The following FXR1 variants were observed in gnomAD, a reference collection of about 807,000 sequenced individuals.
The protein encoded by FXR1 is RNA-binding protein FXR1.
In FXR1, 15 loss-of-function variants were observed where a neutral mutation model predicts 84.0. That is an observed-to-expected ratio of 0.18 (90% CI 0.12 to 0.27). FXR1 has a LOEUF of 0.27. Among genes scored for constraint, FXR1 ranks in the 10% least tolerant of loss-of-function variants. FXR1 has a pLI of 1.00. For synonymous variants in FXR1, 245 were observed against 250.7 expected, an observed-to-expected ratio of 0.98 and a Z score of 0.21; for missense variants, 480 against 774.4, an observed-to-expected ratio of 0.62 and a Z score of 4.51.
At chr3:180,963,508 TCA>T (rs1712408825) in intron 13 of FXR1, among the ~76,000 whole-genome samples, 1 of 152,180 alleles carries the variant, frequency 6.6e-6, no homozygotes, top group Non-Finnish European at 1.5e-5. Context: ...AGTGTGCGAA[TCA>T]CTGCCAAGAT....
Position 180,982,594 on chromosome 3 carries a change from C to A in FXR1, c.*6302C>A, listed in dbSNP as rs978301432. 2.6e-5 allele frequency: 4 copies of A among 152,110 alleles called. No individual in the cohort carries two copies. Among genetic ancestry groups the A allele is most frequent in the Admixed American group, 2.6e-4 (4 of 15,262 alleles). The allele number at this position is 152,110 out of a possible 1,614,324, so 9.4% of individuals were successfully genotyped here. ...TTTATACCTATTAAGTTAAATTTCC[C>A]TTTTTAGAGTTAATGCTTCATTGCC... On this transcript the variant is annotated 3_prime_UTR_variant, in exon 17 of 17. Transcript: ENST00000357559.
At chr3:180,950,838 C>T (rs988970672) in intron 7 of FXR1, among the ~76,000 whole-genome samples, 1 of 152,052 alleles carries the variant, frequency 6.6e-6, no homozygotes, top group Non-Finnish European at 1.5e-5. Flanking sequence ...ACATTATGTT[C>T]ATTCATTAAT....
intron 15 of FXR1, among the ~76,000 whole-genome samples, chr3:180,972,230 A>C (rs1713674115): frequency 6.6e-6 from 1 of 152,170 alleles, no homozygotes; most frequent in Non-Finnish European, 1.5e-5. Flanking sequence ...TTGGGAGGCC[A>C]GGTAGCAGGA....
chr3:180,932,860 C>A (rs1417705045), intron 1 of FXR1, among the ~76,000 whole-genome samples: 1 of 152,194 alleles, frequency 6.6e-6, no homozygotes, highest in Non-Finnish European at 1.5e-5. Flanking sequence ...CTGTGCTAAA[C>A]ATTACTTCAT....
intron 4 of FXR1, 129 bp downstream of exon 4, chr3:180,948,065 A>G (rs1576955214): frequency 4.7e-6 from 3 of 639,956 alleles, no homozygotes; most frequent in East Asian, 5.4e-5. Flanking sequence ...TTGATCAGAC[A>G]TTTCCATTAG....
At chr3:180,974,722 G>C (rs951695849) in intron 15 of FXR1, among the ~76,000 whole-genome samples, 19 of 151,932 alleles carry the variant, frequency 1.3e-4, no homozygotes, top group African/African-American at 4.6e-4. Flanking sequence ...GTGGTGGTCT[G>C]TCATCTTTAG....
rs752931456 is a variant in FXR1, at chr3:180,912,690, C to G, written c.5C>G (p.Ala2Gly). 4.3e-6 allele frequency: 7 copies of G among 1,613,706 alleles called. No homozygotes were observed. In the South Asian group the frequency reaches 4.4e-5, roughly 10 times the overall value. Residue 2 changes from alanine (A) to glycine (G), a missense_variant, in exon 1 of 17, where the codon GCG becomes GGG. Physicochemically the swap from Ala to Gly is moderately conservative, Grantham distance 60. Transcript: ENST00000357559. The part of the protein sequence containing the change: M[A>G]ELTVEVRGSN... ...AGCGGCCTTTGCGGTTCCAACATGG[C>G]GGAGCTGACGGTGGAGGTTCGCGGC...
intron 1 of FXR1, chr3:180,927,567 T>G (rs1719373281): frequency 1.7e-6 from 1 of 588,968 alleles, no homozygotes; most frequent in African/African-American, 2.0e-5. Context: ...GAGAAACTTT[T>G]TGTTTTTCAG....
chr3:180,912,790 A>G, intron 1 of FXR1, 54 bp downstream of exon 1: 3 of 1,613,280 alleles, frequency 1.9e-6, no homozygotes, highest in Non-Finnish European at 2.5e-6. Flanking sequence ...AGCGCGTTTG[A>G]GGGAGGGTTG....
intron 14 of FXR1, 56 bp downstream of exon 14, chr3:180,968,310 A>C (rs1713100331): frequency 1.6e-6 from 2 of 1,248,494 alleles, no homozygotes; most frequent in Non-Finnish European, 2.3e-6. Context: ...TTAATTTTAC[A>C]AAAGTTAATT....
At position 180,980,499 on chromosome 3, in the gene FXR1, A is replaced by G. The variant is rs542097363; in HGVS notation, c.*4207A>G. The stretch of plus-strand genomic sequence containing the variant: ...CCATTTTCATTAAAAATATTTTCCA[A>G]TAGTTTTTCTAGATAAACAATTTAT... On this transcript the variant is annotated 3_prime_UTR_variant, in exon 17 of 17. Transcript: ENST00000357559. 3.3e-5 allele frequency: 5 copies of G among 152,096 alleles called. No homozygotes were observed. The highest frequency in any genetic ancestry group is 9.6e-5 in the African/African-American group (4 of 41,538). The allele number at this position is 152,096 out of a possible 1,614,324, so 9.4% of individuals were successfully genotyped here.
At chr3:180,920,837 A>C (rs1386092474) in intron 1 of FXR1, among the ~76,000 whole-genome samples, 1 of 152,116 alleles carries the variant, frequency 6.6e-6, no homozygotes, top group Non-Finnish European at 1.5e-5. Context: ...GGCCATTTGG[A>C]ACTGTTAACT....
intron 1 of FXR1, among the ~76,000 whole-genome samples, chr3:180,916,123 A>G (rs1263087143): frequency 6.6e-6 from 1 of 152,206 alleles, no homozygotes; most frequent in South Asian, 2.1e-4. Context: ...GTTTTATACT[A>G]CTGGACATTT....
intron 1 of FXR1, 71 bp downstream of exon 1, chr3:180,912,807 C>T: frequency 1.9e-6 from 3 of 1,611,724 alleles, no homozygotes; most frequent in Middle Eastern, 3.3e-4. Flanking sequence ...GTTGGTGGTC[C>T]CAGAGAGTGA....
intron 10 of FXR1, among the ~76,000 whole-genome samples, chr3:180,959,306 T>C (rs1422483751): frequency 6.6e-6 from 1 of 152,102 alleles, no homozygotes; most frequent in African/African-American, 2.4e-5. Flanking sequence ...TTTTTGGTCA[T>C]ATCATTAATG....
chr3:180,915,666 C>G, intron 1 of FXR1: 1 of 704,028 alleles, frequency 1.4e-6, no homozygotes, highest in Non-Finnish European at 2.6e-6. Context: ...CCTCCTCTTA[C>G]CCCGTATAGG....
intron 1 of FXR1, among the ~76,000 whole-genome samples, chr3:180,926,621 A>G (rs1340258826): frequency 6.6e-6 from 1 of 151,026 alleles, no homozygotes; most frequent in Non-Finnish European, 1.5e-5. Context: ...TTTAGGGTGT[A>G]AATCTTCGAT....
intron 3 of FXR1, among the ~76,000 whole-genome samples, chr3:180,938,733 C>T (rs1178778714): frequency 3.3e-5 from 5 of 151,748 alleles, no homozygotes; most frequent in East Asian, 1.9e-4. Flanking sequence ...TTTTCAGTAG[C>T]GACGGGGTTT....
intron 1 of FXR1, chr3:180,933,082 C>T: frequency 2.3e-6 from 1 of 430,372 alleles, no homozygotes; most frequent in South Asian, 3.1e-5. Context: ...CTGAGGTGTT[C>T]CAGGGATGTA....
Sources: gnomAD v4.1 joint callset for allele counts (sites outside exome capture counted in the v4.1 genomes callset) on GRCh38, gnomAD v4.1.1 for gene constraint, MANE v1.5 for transcripts, NCBI Gene and HGNC (gene_info 2026-07-23, HGNC 2026-07-21) for gene names.